Variants in PIK3C2B observed in about 807,000 individuals in gnomAD.
PIK3C2B encodes phosphatidylinositol-4-phosphate 3-kinase catalytic subunit type 2 beta.
In PIK3C2B, 83 loss-of-function variants were observed where a neutral mutation model predicts 184.3. The observed-to-expected ratio is 0.45, with a 90% CI of 0.38 to 0.54. The LOEUF (loss-of-function observed/expected upper bound fraction) is 0.54, where lower values mean the gene tolerates loss of function less well. Ranked by LOEUF, PIK3C2B falls within the 20% of genes least tolerant of loss-of-function variation. The probability of loss-of-function intolerance (pLI) is 0.00; values close to 1 mark genes in which losing one functional copy is unlikely to be tolerated. For missense variants in PIK3C2B, 1,736 were observed against 2,113.5 expected (o/e 0.82, Z 3.50); for synonymous variants, 779 against 837.6 (o/e 0.93, Z 1.21).
At chr1:204,493,673 T>C (rs1403755895) in intron 1 of PIK3C2B, among the ~76,000 whole-genome samples, 2 of 152,152 alleles carry the variant, frequency 1.3e-5, no homozygotes, top group East Asian at 1.9e-4. Context: ...CACACCAGCT[T>C]GGCAGCCTTG....
Position 204,469,593 on chromosome 1 carries a change from C to A in PIK3C2B, c.210G>T (p.Lys70Asn). 1 of 1,598,922 alleles carries A rather than the reference C, an allele frequency of 6.3e-7. No homozygotes were observed. The highest frequency in any genetic ancestry group is 8.5e-7 in the Non-Finnish European group (1 of 1,171,242). Residue 70 changes from lysine to asparagine, a missense_variant, in exon 2 of 33, where the codon AAG (lysine) becomes AAT (asparagine). By Grantham distance (94) the Lys-to-Asn change is moderately conservative (BLOSUM62 0). Coordinates refer to ENST00000684373, the MANE Select transcript of PIK3C2B (RefSeq NM_001377334.1). ...TGAGGTCGGTCCGCCTTCCTGCTGG[C>A]TTGCTGTAAAAGTCTACCCCAGGCT... ...WDEPGVDFYSKPAGRRTDLKL... is the reference protein window; with the variant it reads ...WDEPGVDFYSNPAGRRTDLKL...
chr1:204,434,760 C>A, intron 23 of PIK3C2B, 152 bp from the exon 24 acceptor site: 1 of 608,110 alleles, frequency 1.6e-6, no homozygotes, highest in South Asian at 2.1e-5. Context: ...CATCCTTCAT[C>A]ATGTACTAAC....
intron 7 of PIK3C2B, 140 bp from the exon 8 acceptor site, chr1:204,460,081 G>T: frequency 1.4e-6 from 1 of 717,846 alleles, no homozygotes; most frequent in Non-Finnish European, 2.4e-6. Context: ...GTCCTGTGAA[G>T]ACATATAGAG....
At chr1:204,459,807 C>G in intron 8 of PIK3C2B, 71 bp downstream of exon 8, 1 of 1,295,876 alleles carries the variant, frequency 7.7e-7, no homozygotes, top group Non-Finnish European at 1.1e-6. Context: ...GCTGGGTGAT[C>G]CCAGGAGGAC....
intron 1 of PIK3C2B, among the ~76,000 whole-genome samples, chr1:204,485,967 T>G (rs888370389): frequency 3.3e-5 from 5 of 152,228 alleles, no homozygotes; most frequent in African/African-American, 4.8e-5. Context: ...TTTTTATAAT[T>G]TGTAATGTGC....
chr1:204,489,753 C>A, intron 1 of PIK3C2B: 1 of 395,090 alleles, frequency 2.5e-6, no homozygotes, highest in Non-Finnish European at 4.5e-6. Flanking sequence ...AGTTGAAGGG[C>A]TCCATCATTA....
At chr1:204,440,363 C>T in intron 21 of PIK3C2B, 42 bp from the exon 22 acceptor site, 1 of 1,526,646 alleles carries the variant, frequency 6.6e-7, no homozygotes, top group Non-Finnish European at 8.8e-7. Flanking sequence ...TCTCCACTAC[C>T]TCCCCAGCTC....
intron 11 of PIK3C2B, 65 bp downstream of exon 11, chr1:204,455,791 G>C (rs1378285562): frequency 2.3e-6 from 3 of 1,283,090 alleles, no homozygotes. Flanking sequence ...CATGCAGATA[G>C]GAAAAAGCCC....
intron 16 of PIK3C2B, 147 bp from the exon 17 acceptor site, chr1:204,444,571 T>G: frequency 1.6e-6 from 1 of 626,816 alleles, no homozygotes; most frequent in Non-Finnish European, 2.8e-6. Flanking sequence ...GAAGAATCCT[T>G]AGCAACTTCC....
chr1:204,435,905 C>T (rs911598409), intron 23 of PIK3C2B: 2 of 152,146 alleles, frequency 1.3e-5, no homozygotes, highest in Non-Finnish European at 2.9e-5. Flanking sequence ...TGAATAAAAG[C>T]ACTTAATAAG....
At chr1:204,444,972 C>T (rs1653723357) in intron 16 of PIK3C2B, among the ~76,000 whole-genome samples, 1 of 152,060 alleles carries the variant, frequency 6.6e-6, no homozygotes, top group Middle Eastern at 3.4e-3. Flanking sequence ...CTGAGAGTGG[C>T]GAGAAATAAG....
intron 1 of PIK3C2B, among the ~76,000 whole-genome samples, chr1:204,491,807 C>T (rs1384537107): frequency 6.6e-6 from 1 of 152,228 alleles, no homozygotes; most frequent in Non-Finnish European, 1.5e-5. Context: ...CTATCATTTA[C>T]TAGCTGGCTG....
At chr1:204,443,815 C>A in intron 18 of PIK3C2B, among the ~76,000 whole-genome samples, 1 of 152,202 alleles carries the variant, frequency 6.6e-6, no homozygotes, top group East Asian at 1.9e-4. Flanking sequence ...GTTCACAGCC[C>A]CTCTGCATCT....
chr1:204,442,205 G>A (rs1041761881), intron 20 of PIK3C2B, among the ~76,000 whole-genome samples: 3 of 152,140 alleles, frequency 2.0e-5, no homozygotes, highest in Non-Finnish European at 4.4e-5. Flanking sequence ...CTTATATGGA[G>A]ATGCTCACCT....
intron 1 of PIK3C2B, among the ~76,000 whole-genome samples, chr1:204,481,293 T>C (rs1334903285): frequency 1.9e-4 from 23 of 121,582 alleles, no homozygotes; most frequent in African/African-American, 5.0e-4. Context: ...TTTTGAGACA[T>C]AGTCTCGCTC....
chr1:204,460,511 C>T lies in PIK3C2B; in HGVS notation c.1422+39G>A, dbSNP rs945690058. 4 of 1,576,416 alleles carry T rather than the reference C, an allele frequency of 2.5e-6. No individual in the cohort carries two copies. The African/African-American group carries it at 4.0e-5, about 16-fold the overall frequency. On this transcript the variant is annotated intron_variant, in intron 6 of 32. Coordinates refer to ENST00000684373, the MANE Select transcript of PIK3C2B (RefSeq NM_001377334.1). ...TCTATATTGTATTCCCATTCCACCT[C>T]CCCAGCCCTGGGCAACCCTCCACCA...
rs530466886 is a variant in PIK3C2B, at chr1:204,451,043, C to T, written c.2067-1026G>A. Among the ~76,000 whole-genome samples the T allele has an allele frequency of 5.3e-5, 8 of 152,352 alleles. 1 individual carries two copies. The South Asian group carries it at 1.7e-3, about 32-fold the overall frequency. The stretch of plus-strand genomic sequence containing the variant: ...GAATCTCCACCTAAGTGAGGCACTC[C>T]CTCCAGCCCACCACAGACTGGCAGA... On this transcript the variant is annotated intron_variant, in intron 12 of 32. Coordinates refer to ENST00000684373, the MANE Select transcript of PIK3C2B (RefSeq NM_001377334.1).
chr1:204,464,326 C>A lies in PIK3C2B; in HGVS notation c.1189+124G>T, dbSNP rs929571902. ...TGGCCCCATAGCCAGCCCCTCACCCCCAAAGGAGCATCCTCACTGCCCTTC... is the reference window on the plus strand; with the variant it reads ...TGGCCCCATAGCCAGCCCCTCACCCACAAAGGAGCATCCTCACTGCCCTTC... On this transcript the variant is annotated intron_variant, in intron 4 of 32. Transcript: ENST00000684373. 3.4e-6 allele frequency: 4 copies of A among 1,160,120 alleles called. 1 individual carries two copies. The highest frequency in any genetic ancestry group is 4.4e-5 in the Admixed American group (2 of 45,534). 71.9% of individuals were successfully genotyped at this position (1,160,120 alleles called of 1,614,324 possible).
chr1:204,441,672 A>G, intron 20 of PIK3C2B, 109 bp from the exon 21 acceptor site: 1 of 621,422 alleles, frequency 1.6e-6, no homozygotes, highest in African/African-American at 1.8e-5. Context: ...CTGCCGGTCC[A>G]CCCAAGACCT....
Sources: allele counts gnomAD v4.1 joint callset (sites outside exome capture counted in the v4.1 genomes callset), GRCh38; gene constraint gnomAD v4.1.1; transcripts MANE v1.5; gene names NCBI Gene and HGNC (gene_info 2026-07-23, HGNC 2026-07-21).